AGBL4: variants seen among roughly 807,000 people sequenced by gnomAD.
The protein encoded by AGBL4 is cytosolic carboxypeptidase 6.
Under a neutral mutation model 66.4 loss-of-function variants are expected in AGBL4, and 58 were observed. The ratio of observed to expected loss-of-function variants is 0.87; its 90% CI spans 0.71 to 1.09. AGBL4 has a LOEUF of 1.09. Ranked by LOEUF, AGBL4 falls within the 50% of genes least tolerant of loss-of-function variation. AGBL4 has a pLI of 0.00. For missense variants in AGBL4, 579 were observed against 631.0 expected (o/e 0.92, Z 0.88); for synonymous variants, 234 against 222.9 (o/e 1.05, Z -0.44).
chr1:49,767,249 T>C (rs1643908729), intron 2 of AGBL4, among the ~76,000 whole-genome samples: 1 of 151,968 alleles, frequency 6.6e-6, no homozygotes, highest in African/African-American at 2.4e-5. Context: ...AAAAGTCATA[T>C]CAACCATACT....
chr1:49,843,778 A>G (rs1446210607), intron 2 of AGBL4, among the ~76,000 whole-genome samples: 2 of 152,078 alleles, frequency 1.3e-5, no homozygotes, highest in Non-Finnish European at 2.9e-5. Context: ...TTTTTTAAAA[A>G]TTGAACTTTT....
chr1:49,568,129 T>C (rs897682360), intron 3 of AGBL4, among the ~76,000 whole-genome samples: 3 of 151,992 alleles, frequency 2.0e-5, no homozygotes, highest in Non-Finnish European at 4.4e-5. Context: ...AGTATTGGAA[T>C]ACCTGGCCAG....
At chr1:49,127,187 C>T (rs1645782666) in intron 4 of AGBL4, among the ~76,000 whole-genome samples, 1 of 152,096 alleles carries the variant, frequency 6.6e-6, no homozygotes, top group African/African-American at 2.4e-5. Context: ...GGCTTTTTGC[C>T]TGGGGGCATA....
At chr1:48,937,442 T>A (rs1256630500) in intron 5 of AGBL4, among the ~76,000 whole-genome samples, 1 of 152,166 alleles carries the variant, frequency 6.6e-6, no homozygotes, top group Non-Finnish European at 1.5e-5. Flanking sequence ...TTGTTACTAG[T>A]GTTTTCATTG....
intron 6 of AGBL4, among the ~76,000 whole-genome samples, chr1:48,813,379 G>A (rs1250664592): frequency 3.9e-5 from 6 of 152,156 alleles, no homozygotes; most frequent in Non-Finnish European, 1.5e-5. Flanking sequence ...TTCAGTTCAT[G>A]AGTGGAAATA....
chr1:49,515,435 T>C (rs1649704519), intron 3 of AGBL4, among the ~76,000 whole-genome samples: 1 of 152,122 alleles, frequency 6.6e-6, no homozygotes, highest in Non-Finnish European at 1.5e-5. Context: ...TTTACACTGT[T>C]GGTGGGACTG....
intron 3 of AGBL4, among the ~76,000 whole-genome samples, chr1:49,307,907 C>G (rs1168396559): frequency 6.6e-6 from 1 of 151,970 alleles, no homozygotes; most frequent in Non-Finnish European, 1.5e-5. Context: ...GATTTGTGTC[C>G]CCACCAAATC....
At chr1:49,853,985 C>T (rs895193568) in intron 1 of AGBL4, among the ~76,000 whole-genome samples, 2 of 151,764 alleles carry the variant, frequency 1.3e-5, no homozygotes, top group African/African-American at 4.8e-5. Flanking sequence ...AAGATCCACA[C>T]AAAGAAATTA....
intron 9 of AGBL4, among the ~76,000 whole-genome samples, chr1:48,609,504 C>T (rs1645204519): frequency 6.6e-6 from 1 of 152,212 alleles, no homozygotes; most frequent in Admixed American, 6.5e-5. Flanking sequence ...TCACTGCAGC[C>T]TTGACCTCCT....
At chr1:48,865,328 C>T (rs773037117) in intron 6 of AGBL4, among the ~76,000 whole-genome samples, 1 of 152,170 alleles carries the variant, frequency 6.6e-6, no homozygotes, top group Non-Finnish European at 1.5e-5. Context: ...TTGTCTGACA[C>T]ATTGGAGTGG....
At chr1:49,762,096 T>C (rs555475941) in intron 2 of AGBL4, among the ~76,000 whole-genome samples, 1 of 152,320 alleles carries the variant, frequency 6.6e-6, no homozygotes, top group Admixed American at 6.5e-5. Flanking sequence ...ATGAACCCAG[T>C]AGTGGGATTC....
intron 3 of AGBL4, among the ~76,000 whole-genome samples, chr1:49,317,540 A>T (rs1250102007): frequency 6.6e-6 from 1 of 151,910 alleles, no homozygotes; most frequent in Non-Finnish European, 1.5e-5. Flanking sequence ...TATATTCAGG[A>T]CTAAGAGGAG....
intron 4 of AGBL4, among the ~76,000 whole-genome samples, chr1:49,096,442 A>G (rs1272526935): frequency 6.6e-6 from 1 of 151,936 alleles, no homozygotes; most frequent in African/African-American, 2.4e-5. Context: ...ACCAACCCAA[A>G]TGTCCAACAA....
At chr1:49,890,932 A>G (rs868015864) in intron 1 of AGBL4, among the ~76,000 whole-genome samples, 5 of 152,332 alleles carry the variant, frequency 3.3e-5, no homozygotes, top group Middle Eastern at 6.8e-3. Flanking sequence ...CAGTAAGCCC[A>G]TGCACATTAA....
intron 2 of AGBL4, among the ~76,000 whole-genome samples, chr1:49,752,083 G>A (rs928893717): frequency 6.6e-6 from 1 of 151,160 alleles, no homozygotes; most frequent in African/African-American, 2.4e-5. Context: ...CTTCAGTTCT[G>A]CTCTGATCTC....
At chr1:49,852,381 G>T (rs1486843995) in intron 1 of AGBL4, among the ~76,000 whole-genome samples, 2 of 152,256 alleles carry the variant, frequency 1.3e-5, no homozygotes, top group East Asian at 3.9e-4. Flanking sequence ...AAGGAAATAT[G>T]AGAGTGTGGA....
chr1:49,485,432 G>A (rs951831728), intron 3 of AGBL4, among the ~76,000 whole-genome samples: 1 of 123,176 alleles, frequency 8.1e-6, no homozygotes. Flanking sequence ...ACTGGAAGGG[G>A]AACATCACAC....
At chr1:48,765,492 T>TA (rs1644486029) in intron 6 of AGBL4, among the ~76,000 whole-genome samples, 1 of 152,246 alleles carries the variant, frequency 6.6e-6, no homozygotes, top group South Asian at 2.1e-4. Flanking sequence ...GCAGCCATAG[T>TA]AGAGAACATT....
intron 6 of AGBL4, chr1:48,742,898 T>C: frequency 1.1e-6 from 1 of 902,380 alleles, no homozygotes; most frequent in Non-Finnish European, 1.6e-6. Context: ...TCCATTGAAC[T>C]ACACTTAAAC....
Sources: allele counts gnomAD v4.1 joint callset (sites outside exome capture counted in the v4.1 genomes callset), GRCh38; gene constraint gnomAD v4.1.1; transcripts MANE v1.5; gene names NCBI Gene and HGNC (gene_info 2026-07-23, HGNC 2026-07-21).